The following BTAF1 variants were observed in gnomAD, a reference collection of about 807,000 sequenced individuals.
BTAF1 encodes the protein B-TFIID TATA-box binding protein associated factor 1.
A neutral mutation model predicts 227.1 loss-of-function variants in BTAF1; 38 were observed. That is an observed-to-expected ratio of 0.17 (90% CI 0.13 to 0.22). The LOEUF (loss-of-function observed/expected upper bound fraction) is 0.22, where lower values mean the gene tolerates loss of function less well. Among genes scored for constraint, BTAF1 ranks in the 10% least tolerant of loss-of-function variants. BTAF1 has a pLI of 1.00. For missense variants in BTAF1, 1,598 were observed against 2,204.0 expected, an observed-to-expected ratio of 0.73 and a Z score of 5.51; for synonymous variants, 742 against 751.9, an observed-to-expected ratio of 0.99 and a Z score of 0.21.
intron 14 of BTAF1, among the ~76,000 whole-genome samples, chr10:91,976,567 C>T (rs1454032168): frequency 6.6e-6 from 1 of 152,126 alleles, no homozygotes; most frequent in Admixed American, 6.6e-5. Flanking sequence ...TGAATAATCC[C>T]TATCACTCAG....
intron 5 of BTAF1, 129 bp downstream of exon 5, chr10:91,951,695 A>T: frequency 1.0e-6 from 1 of 972,168 alleles, no homozygotes; most frequent in East Asian, 2.9e-5. Context: ...TGCCACCATA[A>T]TTTAGCATCT....
At chr10:91,937,295 T>C (rs1215294556) in intron 2 of BTAF1, among the ~76,000 whole-genome samples, 1 of 152,102 alleles carries the variant, frequency 6.6e-6, no homozygotes, top group Admixed American at 6.5e-5. Flanking sequence ...TCCTGGCCGG[T>C]TTTGTTTCTT....
chr10:91,984,323 A>G lies in BTAF1; in HGVS notation c.2346A>G (p.Ile782Met), dbSNP rs574916800. Residue 782 changes from isoleucine to methionine, a missense_variant, in exon 19 of 38, where the codon ATA (isoleucine) becomes ATG (methionine). By Grantham distance (10) the Ile-to-Met change is conservative. Transcript: ENST00000265990. ...TRMQNECKQL[I>M]SSLADVHIEV... ...TGCAGAATGAATGTAAACAACTTATATCATCATTAGCTGATGTACATATTG... is the reference window on the plus strand; with the variant it reads ...TGCAGAATGAATGTAAACAACTTATGTCATCATTAGCTGATGTACATATTG... 25 of 1,613,712 alleles carry G rather than the reference A, an allele frequency of 1.5e-5. No homozygotes were observed. In the East Asian group the frequency reaches 5.6e-4, roughly 36 times the overall value.
chr10:92,016,867 A>G (rs1469527368), intron 33 of BTAF1, among the ~76,000 whole-genome samples: 1 of 152,212 alleles, frequency 6.6e-6, no homozygotes, highest in African/African-American at 2.4e-5. Context: ...TTGTTTCAAT[A>G]TTATGTATAC....
In BTAF1 at chr10:91,982,644, A is replaced by G; in HGVS notation, c.2106A>G (p.Gln702=). 1 of 1,613,894 alleles carries G rather than the reference A, an allele frequency of 6.2e-7. No homozygotes were observed. Among genetic ancestry groups the G allele is most frequent in the Non-Finnish European group, 8.5e-7 (1 of 1,179,872 alleles). The part of the protein sequence containing the change: ...ICDPGVNVVT[Q]EIKPAESLGQ... ...ATCCAGGTGTAAATGTGGTAACTCA[A>G]GAAATTAAACCAGCTGAATCCCTGG... The change falls in exon 18 of 38, where the codon CAA becomes CAG. Residue 702 remains glutamine (Q), a synonymous_variant. Transcript: ENST00000265990.
chr10:92,016,285 T>C (rs1850718129), intron 32 of BTAF1, 55 bp from the exon 33 acceptor site: 2 of 1,551,388 alleles, frequency 1.3e-6, no homozygotes, highest in South Asian at 1.3e-5. Context: ...TTATGTGTTT[T>C]GAACAATTGA....
At chr10:91,961,466 C>CTTTTTTTT (rs1846508317) in intron 11 of BTAF1, among the ~76,000 whole-genome samples, 1 of 150,912 alleles carries the variant, frequency 6.6e-6, no homozygotes, top group Non-Finnish European at 1.5e-5. Context: ...TTTTTTTTCC[C>CTTTTTTTT]TTCTTTAACT....
At chr10:91,924,562 G>A (rs993608687) in intron 1 of BTAF1, among the ~76,000 whole-genome samples, 3 of 152,178 alleles carry the variant, frequency 2.0e-5, no homozygotes, top group Non-Finnish European at 4.4e-5. Context: ...TCTTTCCTGA[G>A]ATGTTTTTTA....
At chr10:91,971,464 C>T (rs930446274) in intron 14 of BTAF1, among the ~76,000 whole-genome samples, 1 of 127,582 alleles carries the variant, frequency 7.8e-6, no homozygotes, top group Admixed American at 1.0e-4. Context: ...TGGTATAAAG[C>T]CAAACTTTTT....
intron 25 of BTAF1, among the ~76,000 whole-genome samples, chr10:92,007,672 T>C (rs1439533555): frequency 6.6e-6 from 1 of 152,252 alleles, no homozygotes; most frequent in Non-Finnish European, 1.5e-5. Flanking sequence ...TTGTAACATC[T>C]ACGCAGATAT....
At chr10:92,018,014 G>C (rs998729358) in intron 33 of BTAF1, among the ~76,000 whole-genome samples, 1 of 152,172 alleles carries the variant, frequency 6.6e-6, no homozygotes, top group African/African-American at 2.4e-5. Flanking sequence ...CCCCTTCCTT[G>C]CTCCCCTCCT....
chr10:91,986,633 C>T (rs942342590), intron 19 of BTAF1, among the ~76,000 whole-genome samples: 5 of 152,052 alleles, frequency 3.3e-5, no homozygotes, highest in African/African-American at 1.2e-4. Flanking sequence ...TTTGCCTCCT[C>T]TCCCTACTTT....
At chr10:91,964,944 A>C (rs1300095202) in intron 13 of BTAF1, among the ~76,000 whole-genome samples, 1 of 152,166 alleles carries the variant, frequency 6.6e-6, no homozygotes, top group East Asian at 1.9e-4. Context: ...TGTCCTAGTG[A>C]GGGCGTTCAG....
At chr10:91,982,955 C>G (rs1383782605) in intron 18 of BTAF1, among the ~76,000 whole-genome samples, 194 bp downstream of exon 18, 2 of 152,134 alleles carry the variant, frequency 1.3e-5, no homozygotes, top group East Asian at 1.9e-4. Context: ...TCTTAGAACC[C>G]CTACTCATAC....
intron 11 of BTAF1, 36 bp downstream of exon 11, chr10:91,960,190 GT>G (rs747696060): frequency 2.5e-6 from 4 of 1,592,076 alleles, no homozygotes; most frequent in Non-Finnish European, 3.4e-6. Flanking sequence ...ATGTGGGAGA[GT>G]TTTTTCCCCC....
chr10:92,021,748 G>A (rs1217307123), intron 34 of BTAF1, among the ~76,000 whole-genome samples: 3 of 151,966 alleles, frequency 2.0e-5, no homozygotes, highest in Non-Finnish European at 4.4e-5. Flanking sequence ...GTTTCACCGT[G>A]TTAGCCAGGA....
chr10:91,979,716 T>A (rs1230106439), intron 14 of BTAF1, among the ~76,000 whole-genome samples: 3 of 152,176 alleles, frequency 2.0e-5, no homozygotes, highest in Non-Finnish European at 4.4e-5. Flanking sequence ...TTGGGATTCC[T>A]TATTCTGGGA....
In BTAF1 at chr10:91,940,605, C is replaced by A. The variant is rs368407918; in HGVS notation, c.253+539C>A. ...GGAAAGCTGCACATTTTAATTAAATCAAAATTTAATGGTACAACTAGATTC... is the reference window on the plus strand; with the variant it reads ...GGAAAGCTGCACATTTTAATTAAATAAAAATTTAATGGTACAACTAGATTC... On this transcript the variant is annotated intron_variant, in intron 3 of 37. Coordinates refer to ENST00000265990, the MANE Select transcript of BTAF1 (RefSeq NM_003972.3). Among the ~76,000 whole-genome samples, 3 of 152,126 alleles carry A rather than the reference C, an allele frequency of 2.0e-5. No homozygotes were observed. In the South Asian group the frequency reaches 6.2e-4, roughly 32 times the overall value.
In BTAF1 at chr10:91,984,317, A is replaced by G. The variant is rs1199386324; in HGVS notation, c.2340A>G (p.Gln780=). The G allele has an allele frequency of 6.2e-7, 1 of 1,613,690 alleles. No homozygotes were observed. Among genetic ancestry groups the G allele is most frequent in the Non-Finnish European group, 8.5e-7 (1 of 1,179,840 alleles). Residue 780 remains glutamine, a synonymous_variant, in exon 19 of 38, where the codon CAA becomes CAG. Coordinates refer to ENST00000265990, the MANE Select transcript of BTAF1 (RefSeq NM_003972.3). ...PFTRMQNECK[Q]LISSLADVHI... is the part of the protein sequence containing the mutation. Reference sequence around the variant, plus strand: ...CACGAATGCAGAATGAATGTAAACAACTTATATCATCATTAGCTGATGTAC... The same window carrying G: ...CACGAATGCAGAATGAATGTAAACAGCTTATATCATCATTAGCTGATGTAC...
Sources: allele counts gnomAD v4.1 joint callset (sites outside exome capture counted in the v4.1 genomes callset), GRCh38; gene constraint gnomAD v4.1.1; transcripts MANE v1.5; gene names NCBI Gene and HGNC (gene_info 2026-07-23, HGNC 2026-07-21).